TMTC1: variants seen among roughly 807,000 people sequenced by gnomAD.
The protein encoded by TMTC1 is transmembrane O-mannosyltransferase targeting cadherins 1.
A neutral mutation model predicts 104.8 loss-of-function variants in TMTC1; 73 were observed. The ratio of observed to expected loss-of-function variants is 0.70; its 90% CI spans 0.58 to 0.85. The LOEUF (loss-of-function observed/expected upper bound fraction) is 0.85, where lower values mean the gene tolerates loss of function less well. Among genes scored for constraint, TMTC1 ranks in the 40% least tolerant of loss-of-function variants. TMTC1 has a pLI of 0.00. For missense variants in TMTC1, 1,035 were observed against 1,096.1 expected (o/e 0.94, Z 0.79); for synonymous variants, 434 against 428.7 (o/e 1.01, Z -0.15).
intron 6 of TMTC1, among the ~76,000 whole-genome samples, chr12:29,629,664 A>G (rs138519502): frequency 3.1e-4 from 47 of 152,296 alleles, no homozygotes; most frequent in Non-Finnish European, 5.6e-4. Flanking sequence ...CAGGGGATGG[A>G]GGAGGGGAAA....
At chr12:29,576,458 A>G (rs1308865752) in intron 8 of TMTC1, among the ~76,000 whole-genome samples, 1 of 152,236 alleles carries the variant, frequency 6.6e-6, no homozygotes, top group East Asian at 1.9e-4. Context: ...CAGCCTTAAA[A>G]AAGAGATACT....
intron 5 of TMTC1, among the ~76,000 whole-genome samples, chr12:29,683,956 A>G (rs1202863796): frequency 6.6e-6 from 1 of 151,098 alleles, no homozygotes; most frequent in African/African-American, 2.4e-5. Flanking sequence ...CAATCCTCCC[A>G]TCTTAGCTTT....
intron 2 of TMTC1, among the ~76,000 whole-genome samples, chr12:29,767,155 A>G (rs11609828): frequency 0.39 from 59,524 of 151,398 alleles, 12,156 homozygotes; most frequent in Admixed American, 0.54. Flanking sequence ...GATTCACCAC[A>G]TTGGCCAGGC....
At chr12:29,649,120 C>T (rs1477804908) in intron 5 of TMTC1, among the ~76,000 whole-genome samples, 2 of 152,276 alleles carry the variant, frequency 1.3e-5, no homozygotes, top group East Asian at 3.9e-4. Context: ...CAGCCCCCCT[C>T]CACTCTCAAA....
chr12:29,631,132 C>T (rs1938275592), intron 6 of TMTC1, among the ~76,000 whole-genome samples: 2 of 152,268 alleles, frequency 1.3e-5, no homozygotes, highest in African/African-American at 4.8e-5. Context: ...GTTTTAAGAG[C>T]ACTTTTAATA....
chr12:29,536,088 A>C (rs1272032636), intron 11 of TMTC1, 121 bp downstream of exon 11: 1 of 701,500 alleles, frequency 1.4e-6, no homozygotes, highest in East Asian at 2.7e-5. Context: ...AAAGAAACTG[A>C]CATAGAGATT....
chr12:29,501,771 T>C lies in TMTC1; in HGVS notation c.*5075A>G, dbSNP rs1218012517. 6.6e-6 allele frequency: 1 copy of C among 152,156 alleles called. No homozygotes were observed. Among genetic ancestry groups the C allele is most frequent in the Non-Finnish European group, 1.5e-5 (1 of 68,036 alleles). 9.4% of individuals were successfully genotyped at this position (152,156 alleles called of 1,614,324 possible). ...TTGTGGTGGATGCTGATTTTATGAGTTACAGGCCCTAAAGATTTTAATTGA... is the reference window on the plus strand; with the variant it reads ...TTGTGGTGGATGCTGATTTTATGAGCTACAGGCCCTAAAGATTTTAATTGA... On this transcript the variant is annotated 3_prime_UTR_variant, in exon 18 of 18. Coordinates refer to ENST00000539277, the MANE Select transcript of TMTC1 (RefSeq NM_001193451.2).
intron 9 of TMTC1, among the ~76,000 whole-genome samples, chr12:29,558,457 T>G (rs1253759797): frequency 6.6e-6 from 1 of 152,172 alleles, no homozygotes; most frequent in South Asian, 2.1e-4. Context: ...CAGAGTCTCT[T>G]AAGTTTATTT....
At chr12:29,637,841 T>C (rs762116041) in intron 5 of TMTC1, among the ~76,000 whole-genome samples, 9 of 152,232 alleles carry the variant, frequency 5.9e-5, no homozygotes, top group Non-Finnish European at 1.0e-4. Context: ...CAGAAATATA[T>C]AGTTCTTGCT....
intron 5 of TMTC1, among the ~76,000 whole-genome samples, chr12:29,719,259 G>A (rs561286929): frequency 6.6e-6 from 1 of 152,208 alleles, no homozygotes; most frequent in Admixed American, 6.5e-5. Context: ...GCTTTCTCAT[G>A]GTGTTTTGTT....
At chr12:29,603,850 A>T (rs993124283) in intron 7 of TMTC1, among the ~76,000 whole-genome samples, 3 of 152,210 alleles carry the variant, frequency 2.0e-5, no homozygotes, top group Non-Finnish European at 4.4e-5. Flanking sequence ...ATTTCTAGAA[A>T]AGTATTATAA....
intron 7 of TMTC1, among the ~76,000 whole-genome samples, chr12:29,587,956 T>C (rs1946183410): frequency 6.6e-6 from 1 of 152,206 alleles, no homozygotes; most frequent in African/African-American, 2.4e-5. Context: ...TTCTGTTCTC[T>C]GTATCAAGAG....
chr12:29,701,158 A>T (rs960641325), intron 5 of TMTC1, among the ~76,000 whole-genome samples: 1 of 152,056 alleles, frequency 6.6e-6, no homozygotes, highest in Non-Finnish European at 1.5e-5. Flanking sequence ...TTGAAACACC[A>T]GCCCACAAGT....
At chr12:29,683,257 C>T (rs1298003218) in intron 5 of TMTC1, among the ~76,000 whole-genome samples, 6 of 152,140 alleles carry the variant, frequency 3.9e-5, no homozygotes, top group Non-Finnish European at 5.9e-5. Context: ...AGGATTCAAT[C>T]ACGAGGTCAA....
At chr12:29,652,057 T>C (rs190563558) in intron 5 of TMTC1, among the ~76,000 whole-genome samples, 19 of 152,348 alleles carry the variant, frequency 1.2e-4, no homozygotes, top group Non-Finnish European at 2.8e-4. Context: ...TGTACACAAA[T>C]GCCTTTTATG....
intron 5 of TMTC1, among the ~76,000 whole-genome samples, chr12:29,711,857 A>T (rs1040613407): frequency 4.6e-5 from 7 of 152,000 alleles, no homozygotes; most frequent in African/African-American, 1.7e-4. Context: ...TACAAAAAAA[A>T]TTAGCCGAGC....
At chr12:29,518,743 G>T in intron 12 of TMTC1, 136 bp from the exon 13 acceptor site, 1 of 1,109,876 alleles carries the variant, frequency 9.0e-7, no homozygotes, top group Non-Finnish European at 1.2e-6. Flanking sequence ...ATGCAAATTA[G>T]CTTGCATTTC....
chr12:29,656,319 G>GATATATATATAT (rs71045824), intron 5 of TMTC1, among the ~76,000 whole-genome samples: 1 of 139,374 alleles, frequency 7.2e-6, no homozygotes, highest in African/African-American at 2.7e-5. Flanking sequence ...AATTTCCCTG[G>GATATATATATAT]ATATATATAT....
chr12:29,627,039 T>G (rs1390878667), intron 6 of TMTC1, among the ~76,000 whole-genome samples: 1 of 151,924 alleles, frequency 6.6e-6, no homozygotes, highest in Non-Finnish European at 1.5e-5. Flanking sequence ...GAGGCGGAGT[T>G]GCAGTGAGCC....
Sources: gnomAD v4.1 joint callset for allele counts (sites outside exome capture counted in the v4.1 genomes callset) on GRCh38, gnomAD v4.1.1 for gene constraint, MANE v1.5 for transcripts, NCBI Gene and HGNC (gene_info 2026-07-23, HGNC 2026-07-21) for gene names.